Variants in PCDHA2 observed in about 807,000 individuals in gnomAD.
The protein encoded by PCDHA2 is protocadherin alpha-2.
Under a neutral mutation model 66.0 loss-of-function variants are expected in PCDHA2, and 58 were observed. The observed-to-expected ratio is 0.88, with a 90% CI of 0.71 to 1.09. PCDHA2 has a LOEUF of 1.09. Ranked by LOEUF, PCDHA2 falls within the 50% of genes least tolerant of loss-of-function variation. The pLI is 0.00. For synonymous variants in PCDHA2, 634 were observed against 554.0 expected, an observed-to-expected ratio of 1.14 and a Z score of -2.03; for missense variants, 1,267 against 1,242.3, an observed-to-expected ratio of 1.02 and a Z score of -0.30.
rs2150531861 is a variant in PCDHA2, at chr5:140,853,433, C to T, written c.2388+56081C>T. Reference sequence around the variant, plus strand: ...AGGTGAAAGCAGAAGAGACACTTTCCTATTTTGCCTAATAGGTCTCCTTAT... The same window carrying T: ...AGGTGAAAGCAGAAGAGACACTTTCTTATTTTGCCTAATAGGTCTCCTTAT... On this transcript the variant is annotated intron_variant, in intron 1 of 3. Coordinates refer to ENST00000526136, the MANE Select transcript of PCDHA2 (RefSeq NM_018905.3). The T allele has an allele frequency of 2.1e-5, 21 of 984,946 alleles. 3 individuals carry two copies. The highest frequency in any genetic ancestry group is 2.3e-5 in the Non-Finnish European group (19 of 817,128). 61.0% of individuals were successfully genotyped at this position (984,946 alleles called of 1,614,324 possible).
intron 1 of PCDHA2, chr5:140,848,281 T>C: frequency 1.7e-6 from 1 of 600,408 alleles, no homozygotes; most frequent in Non-Finnish European, 2.9e-6. Context: ...AATATGTACT[T>C]ACACTTTGGG....
chr5:140,897,435 A>G (rs1382805623), intron 1 of PCDHA2, among the ~76,000 whole-genome samples: 1 of 147,702 alleles, frequency 6.8e-6, no homozygotes, highest in Non-Finnish European at 1.5e-5. Flanking sequence ...GAGAACATGC[A>G]GTGTTTGGTT....
chr5:140,883,533 A>T, intron 1 of PCDHA2: 2 of 1,614,190 alleles, frequency 1.2e-6, no homozygotes, highest in South Asian at 2.2e-5. Flanking sequence ...TCAGCCTATG[A>T]ACTGGTGGTG....
At chr5:140,862,209 A>C (rs2047255709) in intron 1 of PCDHA2, 2 of 201,904 alleles carry the variant, frequency 9.9e-6, no homozygotes, top group South Asian at 2.0e-4. Flanking sequence ...TGATCACTGC[A>C]CAGACTTGAT....
chr5:140,983,101 C>T (rs1047738074), intron 3 of PCDHA2, among the ~76,000 whole-genome samples: 2 of 152,228 alleles, frequency 1.3e-5, no homozygotes, highest in African/African-American at 4.8e-5. Flanking sequence ...ATCTGCTTCT[C>T]TCTGCACATC....
At chr5:140,926,946 A>C in intron 1 of PCDHA2, 1 of 1,590,228 alleles carries the variant, frequency 6.3e-7, no homozygotes, top group Non-Finnish European at 8.6e-7. Context: ...GCGGCGCTGC[A>C]GCGGGACAGC....
intron 3 of PCDHA2, among the ~76,000 whole-genome samples, chr5:140,994,802 C>T (rs541054161): frequency 7.9e-5 from 12 of 152,066 alleles, no homozygotes; most frequent in Non-Finnish European, 1.6e-4. Flanking sequence ...CATGCAAAAA[C>T]AAAATACAAA....
chr5:140,931,049 A>G (rs1165336064), intron 1 of PCDHA2, among the ~76,000 whole-genome samples: 1 of 152,226 alleles, frequency 6.6e-6, no homozygotes, highest in Non-Finnish European at 1.5e-5. Flanking sequence ...AAAAACTTCA[A>G]TGCTGTGTCT....
intron 3 of PCDHA2, among the ~76,000 whole-genome samples, chr5:140,999,645 G>C (rs1417751593): frequency 6.6e-6 from 1 of 152,156 alleles, no homozygotes; most frequent in Non-Finnish European, 1.5e-5. Context: ...AAACTGTGCA[G>C]CCTGAGCCCT....
chr5:140,836,580 A>C (rs2150264588), intron 1 of PCDHA2: 1 of 1,613,664 alleles, frequency 6.2e-7, no homozygotes, highest in Non-Finnish European at 8.5e-7. Flanking sequence ...GGGCGCATGT[A>C]GTTTGGTAAA....
At chr5:140,882,080 C>A in intron 1 of PCDHA2, 1 of 970,966 alleles carries the variant, frequency 1.0e-6, no homozygotes, top group Non-Finnish European at 1.5e-6. Flanking sequence ...CATGGTGTCG[C>A]TCTTCACTGA....
intron 3 of PCDHA2, among the ~76,000 whole-genome samples, chr5:141,008,578 C>T (rs1185736158): frequency 6.6e-6 from 1 of 152,202 alleles, no homozygotes; most frequent in Non-Finnish European, 1.5e-5. Context: ...TTTCCCAAGA[C>T]TCAGGGCAGA....
intron 1 of PCDHA2, among the ~76,000 whole-genome samples, chr5:140,921,243 G>A (rs2080116903): frequency 6.6e-6 from 1 of 151,726 alleles, no homozygotes; most frequent in Non-Finnish European, 1.5e-5. Flanking sequence ...TTAAGCCACA[G>A]ATCAAAAAGT....
In PCDHA2 at chr5:140,884,106, T is replaced by C; in HGVS notation, c.2388+86754T>C. 1 of 1,613,420 alleles carries C rather than the reference T, an allele frequency of 6.2e-7. No individual in the cohort carries two copies. The highest frequency in any genetic ancestry group is 8.5e-7 in the Non-Finnish European group (1 of 1,179,712). On this transcript the variant is annotated intron_variant, in intron 1 of 3. Transcript: ENST00000526136. ...GCGTGGCTTTCGTATGAATTGCAGC[T>C]GGCGGCGGTCGGCGCGCGCATCCCG...
chr5:140,917,439 G>T (rs1437451173), intron 1 of PCDHA2, among the ~76,000 whole-genome samples: 1 of 151,364 alleles, frequency 6.6e-6, no homozygotes, highest in Non-Finnish European at 1.5e-5. Flanking sequence ...TTTTGTTTTT[G>T]CTGCAAGAGC....
In PCDHA2 at chr5:141,011,189, A is replaced by G. The variant is rs573647175; in HGVS notation, c.*1252A>G. On this transcript the variant is annotated 3_prime_UTR_variant, in exon 4 of 4. Coordinates refer to ENST00000526136, the MANE Select transcript of PCDHA2 (RefSeq NM_018905.3). ...CAAGACCCAAAAATTGAAGAAAAAT[A>G]TTGTTTTCTCATACAGTGAGCAGAT... 1.3e-5 allele frequency: 2 copies of G among 153,810 alleles called. No homozygotes were observed. Among genetic ancestry groups the G allele is most frequent in the African/African-American group, 4.8e-5 (2 of 41,570 alleles). 9.5% of individuals were successfully genotyped at this position (153,810 alleles called of 1,614,324 possible).
intron 3 of PCDHA2, among the ~76,000 whole-genome samples, chr5:141,002,367 A>T (rs2098076282): frequency 6.6e-6 from 1 of 152,248 alleles, no homozygotes; most frequent in African/African-American, 2.4e-5. Context: ...CTTTCAACTC[A>T]TTCTGGCTTA....
chr5:140,851,237 G>A (rs782702575), intron 1 of PCDHA2: 5 of 1,101,536 alleles, frequency 4.5e-6, no homozygotes, highest in African/African-American at 1.6e-5. Context: ...TTTATTTATT[G>A]CTAAATGATG....
At chr5:140,802,928 G>C in intron 1 of PCDHA2, 1 of 1,613,822 alleles carries the variant, frequency 6.2e-7, no homozygotes, top group Non-Finnish European at 8.5e-7. Context: ...GTGGCGCAGT[G>C]AGCGAGCTGG....
Sources: allele counts gnomAD v4.1 joint callset (sites outside exome capture counted in the v4.1 genomes callset), GRCh38; gene constraint gnomAD v4.1.1; transcripts MANE v1.5; gene names NCBI Gene and HGNC (gene_info 2026-07-23, HGNC 2026-07-21).